Variants in ZNF232 observed in about 807,000 individuals in gnomAD.
ZNF232 encodes zinc finger and SCAN domain-containing protein 11.
Under a neutral mutation model 25.2 loss-of-function variants are expected in ZNF232, and 25 were observed. That is an observed-to-expected ratio of 0.99 (90% CI 0.72 to 1.39). ZNF232 has a LOEUF of 1.39. Among genes scored for constraint, ZNF232 ranks in the 40% most tolerant of loss-of-function variants. ZNF232 has a pLI of 0.00. For synonymous variants in ZNF232, 193 were observed against 182.9 expected, an observed-to-expected ratio of 1.06 and a Z score of -0.45; for missense variants, 519 against 520.9, an observed-to-expected ratio of 1.00 and a Z score of 0.04.
intron 1 of ZNF232, chr17:5,111,550 C>T (rs900844059): frequency 3.5e-6 from 2 of 576,146 alleles, no homozygotes; most frequent in Non-Finnish European, 3.0e-6. Context: ...AACTCCCCTT[C>T]CCACCCTTCA....
intron 1 of ZNF232, chr17:5,120,809 A>T: frequency 2.2e-6 from 1 of 451,952 alleles, no homozygotes; most frequent in Non-Finnish European, 4.4e-6. Context: ...ATATGTAAGC[A>T]GGTGTGCACA....
chr17:5,118,727 G>A (rs900521261), intron 1 of ZNF232, among the ~76,000 whole-genome samples: 3 of 152,190 alleles, frequency 2.0e-5, no homozygotes, highest in African/African-American at 7.2e-5. Flanking sequence ...GAATTTTACA[G>A]AGTGATCACA....
chr17:5,109,427 C>G, exon 2 of ZNF232: 1 of 1,613,946 alleles, frequency 6.2e-7, no homozygotes, highest in South Asian at 1.1e-5. Flanking sequence ...TCTCTAAATC[C>G]TCCAGCACAG....
At chr17:5,118,976 C>A (rs2072592295) in intron 1 of ZNF232, among the ~76,000 whole-genome samples, 1 of 152,262 alleles carries the variant, frequency 6.6e-6, no homozygotes, top group Admixed American at 6.5e-5. Flanking sequence ...AGTAAGCAAA[C>A]AGGAATAGAA....
intron 2 of ZNF232, 111 bp from the exon 3 acceptor site, chr17:5,109,163 AAGG>A: frequency 6.6e-7 from 1 of 1,513,384 alleles, no homozygotes; most frequent in South Asian, 1.2e-5. Context: ...CAAAGCTTCC[AAGG>A]AGACTTTAGA....
intron 1 of ZNF232, chr17:5,121,830 T>G (rs999771385): frequency 1.3e-5 from 2 of 152,864 alleles, no homozygotes; most frequent in African/African-American, 4.8e-5. Flanking sequence ...TGAGCACCAG[T>G]GAAGTTCAGG....
intron 1 of ZNF232, chr17:5,111,019 A>G (rs1269556933): frequency 6.6e-6 from 1 of 152,234 alleles, no homozygotes; most frequent in Non-Finnish European, 1.5e-5. Context: ...GAAGTCAATT[A>G]TGAATTTGTC....
chr17:5,106,609 T>C (rs555596390), intron 3 of ZNF232, 76 bp from the exon 4 acceptor site: 6 of 1,226,874 alleles, frequency 4.9e-6, no homozygotes, highest in South Asian at 4.6e-5. Context: ...AAAACAACTA[T>C]ATATATGACA....
rs2072631783 is a variant in ZNF232 at position 5,120,572 on chromosome 17, C to T, written c.-530+2405G>A. ...TCTCCGAGGGAAAGAAGGCAGGCCC[C>T]AGGGTCTTTCCCCAGGATGGCCTTG... On this transcript the variant is annotated intron_variant, in intron 1 of 4. Coordinates refer to the ZNF232 transcript ENST00000250076. 8.4e-6 allele frequency: 3 copies of T among 358,940 alleles called. No homozygotes were observed. In the Admixed American group the frequency reaches 1.2e-4, roughly 14 times the overall value. The allele number at this position is 358,940 out of a possible 1,614,324, so 22.2% of individuals were successfully genotyped here. A position where few individuals can be genotyped will look rare whatever the true frequency, so the allele number is the denominator to read the frequency against.
At chr17:5,115,237 T>TA (rs1567761645), upstream of ZNF232, among the ~76,000 whole-genome samples, 1 of 151,920 alleles carries the variant, frequency 6.6e-6, no homozygotes. Flanking sequence ...GCCTCTGACT[T>TA]TTAATTGAGT....
chr17:5,121,344 T>C (rs778124247), intron 1 of ZNF232: 10 of 343,668 alleles, frequency 2.9e-5, no homozygotes, highest in Non-Finnish European at 5.7e-5. Flanking sequence ...GAAAATCTCC[T>C]GAAACCCCTG....
intron 1 of ZNF232, among the ~76,000 whole-genome samples, chr17:5,119,384 G>T (rs900121780): frequency 5.3e-5 from 8 of 152,160 alleles, no homozygotes; most frequent in Non-Finnish European, 8.8e-5. Context: ...TTGAATAGGT[G>T]GGCTTTTATT....
chr17:5,109,781 A>G, exon 2 of ZNF232: 1 of 1,614,146 alleles, frequency 6.2e-7, no homozygotes, highest in Non-Finnish European at 8.5e-7. Flanking sequence ...GAAGGGCCAG[A>G]GTTTCAGCTG....
chr17:5,106,167 T>C lies in ZNF232; in HGVS notation c.965A>G (p.Tyr322Cys), dbSNP rs745741402. 34 of 1,614,080 alleles carry C rather than the reference T, an allele frequency of 2.1e-5. No individual in the cohort carries two copies. Among genetic ancestry groups the C allele is most frequent in the African/African-American group, 9.3e-5 (7 of 74,948 alleles). ...AGTTTTCCCACAGTCACTACACTTATAGGGTTTCTCTCCAGAATGAACTCT... is the reference window on the plus strand; with the variant it reads ...AGTTTTCCCACAGTCACTACACTTACAGGGTTTCTCTCCAGAATGAACTCT... The change falls in exon 4 of 4, where the codon TAT becomes TGT. Residue 322 changes from tyrosine (Y) to cysteine (C), a missense_variant. Transcript: ENST00000575898.
chr17:5,121,271 C>T (rs1457219914), intron 1 of ZNF232: 1 of 363,086 alleles, frequency 2.8e-6, no homozygotes, highest in Non-Finnish European at 5.4e-6. Flanking sequence ...GCCTTTGGGG[C>T]CCCATAGAGG....
chr17:5,120,134 C>T lies in ZNF232; in HGVS notation c.-530+2843G>A, dbSNP rs1020218180. 1.6e-4 allele frequency among the ~76,000 whole-genome samples: 25 copies of T among 152,260 alleles called. 1 individual carries two copies. Among genetic ancestry groups the T allele is most frequent in the Middle Eastern group, 3.4e-3 (1 of 294 alleles). On this transcript the variant is annotated intron_variant, in intron 1 of 4. Transcript: ENST00000250076. ...CCTACTCCCCAAGAAGCAGGACACC[C>T]GGAAGGTGTTTCCCCCTGGCTTTGA...
chr17:5,111,959 G>C (rs2143631159), upstream of ZNF232: 1 of 1,302,864 alleles, frequency 7.7e-7, no homozygotes, highest in Non-Finnish European at 1.0e-6. Flanking sequence ...TTTGGCCCAG[G>C]CGCGTGGGCG....
intron 1 of ZNF232, chr17:5,111,121 G>A (rs57461327): frequency 0.23 from 34,291 of 152,206 alleles, 4,938 homozygotes; most frequent in East Asian, 0.66. Flanking sequence ...GTGGGTGGAG[G>A]AACGATTTCT....
chr17:5,112,346 C>G (rs549921112), upstream of ZNF232: 1 of 155,944 alleles, frequency 6.4e-6, no homozygotes, highest in South Asian at 2.0e-4. Context: ...CTAGCCTGTA[C>G]AATTCCTGGG....
Sources: gnomAD v4.1 joint callset for allele counts (sites outside exome capture counted in the v4.1 genomes callset) on GRCh38, gnomAD v4.1.1 for gene constraint, MANE v1.5 for transcripts, NCBI Gene and HGNC (gene_info 2026-07-23, HGNC 2026-07-21) for gene names.